Variants in MYRIP observed in about 807,000 individuals in gnomAD.
The protein encoded by MYRIP is rab effector MyRIP.
MYRIP carries 49 observed loss-of-function variants against 98.0 expected under a neutral mutation model. That is an observed-to-expected ratio of 0.50 (90% CI 0.40 to 0.63). The LOEUF is 0.63. Among genes scored for constraint, MYRIP ranks in the 30% least tolerant of loss-of-function variants. The probability of loss-of-function intolerance (pLI) is 0.00; values close to 1 mark genes in which losing one functional copy is unlikely to be tolerated. For missense variants in MYRIP, 1,004 were observed against 1,058.2 expected (o/e 0.95, Z 0.71); for synonymous variants, 404 against 409.5 (o/e 0.99, Z 0.16).
intron 2 of MYRIP, among the ~76,000 whole-genome samples, chr3:40,027,798 C>A (rs1254681504): frequency 6.6e-6 from 1 of 151,976 alleles, no homozygotes; most frequent in African/African-American, 2.4e-5. Flanking sequence ...ACATTCTAAG[C>A]AAAGCCCATG....
chr3:40,136,229 C>T (rs1281025683), intron 3 of MYRIP, among the ~76,000 whole-genome samples: 1 of 152,112 alleles, frequency 6.6e-6, no homozygotes, highest in African/African-American at 2.4e-5. Context: ...GCAGGGGTTG[C>T]AATCCTAGTC....
intron 11 of MYRIP, among the ~76,000 whole-genome samples, chr3:40,231,393 CAG>C (rs1169788072): frequency 6.6e-6 from 1 of 152,196 alleles, no homozygotes; most frequent in African/African-American, 2.4e-5. Flanking sequence ...GCACCTGGAA[CAG>C]AGCTGGCACA....
intron 2 of MYRIP, among the ~76,000 whole-genome samples, chr3:39,988,843 CTG>C (rs1946102259): frequency 6.6e-6 from 1 of 151,590 alleles, no homozygotes; most frequent in South Asian, 2.1e-4. Context: ...AGTTCTTGTG[CTG>C]TGTTTTTCAG....
At chr3:40,005,690 G>A (rs957610550) in intron 2 of MYRIP, among the ~76,000 whole-genome samples, 2 of 152,144 alleles carry the variant, frequency 1.3e-5, no homozygotes, top group Non-Finnish European at 2.9e-5. Context: ...CTTTTAGCAT[G>A]CCAGTTGTAT....
At chr3:40,240,489 G>C (rs1952974900) in intron 12 of MYRIP, among the ~76,000 whole-genome samples, 1 of 152,232 alleles carries the variant, frequency 6.6e-6, no homozygotes, top group African/African-American at 2.4e-5. Flanking sequence ...GGAAGCGCAA[G>C]GGGTCAGGGA....
At chr3:39,886,649 T>A (rs1265510503) in intron 1 of MYRIP, among the ~76,000 whole-genome samples, 1 of 151,986 alleles carries the variant, frequency 6.6e-6, no homozygotes, top group African/African-American at 2.4e-5. Context: ...CTATCCTAAA[T>A]ATATATGCAC....
At chr3:39,974,829 G>A (rs1279371459) in intron 2 of MYRIP, among the ~76,000 whole-genome samples, 1 of 152,012 alleles carries the variant, frequency 6.6e-6, no homozygotes, top group Non-Finnish European at 1.5e-5. Context: ...TGCAGAAAAG[G>A]CCTTCGAAAA....
At chr3:40,169,391 CCT>C (rs987998348) in intron 7 of MYRIP, among the ~76,000 whole-genome samples, 17 of 152,206 alleles carry the variant, frequency 1.1e-4, no homozygotes, top group Admixed American at 9.8e-4. Context: ...AGCCCAGAGA[CCT>C]TGGTACGGAT....
At chr3:40,071,563 A>C (rs1948229662) in intron 3 of MYRIP, among the ~76,000 whole-genome samples, 1 of 132,316 alleles carries the variant, frequency 7.6e-6, no homozygotes, top group African/African-American at 2.7e-5. Flanking sequence ...GGTCAACTCT[A>C]GGTGTGAGGC....
chr3:40,057,903 GT>G (rs1302490114), intron 3 of MYRIP, among the ~76,000 whole-genome samples: 3 of 152,130 alleles, frequency 2.0e-5, no homozygotes, highest in Non-Finnish European at 4.4e-5. Context: ...ACCCTTCTGA[GT>G]TTGGAAGTAA....
At chr3:40,187,123 G>T (rs1205661243) in intron 9 of MYRIP, among the ~76,000 whole-genome samples, 1 of 152,152 alleles carries the variant, frequency 6.6e-6, no homozygotes, top group Admixed American at 6.5e-5. Context: ...TCATAACCAG[G>T]TGTTAAGTAC....
intron 3 of MYRIP, among the ~76,000 whole-genome samples, chr3:40,087,491 G>A (rs1948652928): frequency 6.6e-6 from 1 of 152,064 alleles, no homozygotes; most frequent in Non-Finnish European, 1.5e-5. Flanking sequence ...TGAGAGACCA[G>A]GCTTTAGTTC....
intron 3 of MYRIP, among the ~76,000 whole-genome samples, chr3:40,052,589 G>A (rs1215544945): frequency 6.6e-6 from 1 of 152,070 alleles, no homozygotes; most frequent in Admixed American, 6.6e-5. Context: ...AAGTATAAAT[G>A]GGCACAACAT....
At chr3:40,023,260 G>A (rs1223980273) in intron 2 of MYRIP, among the ~76,000 whole-genome samples, 1 of 152,190 alleles carries the variant, frequency 6.6e-6, no homozygotes, top group African/African-American at 2.4e-5. Context: ...GACAATACGT[G>A]ACTTCAGCTC....
chr3:40,131,130 C>G (rs113802771), intron 3 of MYRIP, among the ~76,000 whole-genome samples: 1 of 152,166 alleles, frequency 6.6e-6, no homozygotes, highest in African/African-American at 2.4e-5. Context: ...TGCAATACTT[C>G]TACCTGCCCC....
chr3:40,212,223 TATACACACACAC>T lies in MYRIP; in HGVS notation c.1905+2132_1905+2143del, dbSNP rs1559456814. Among the ~76,000 whole-genome samples, 13 of 77,608 alleles carry T rather than the reference TATACACACACAC, an allele frequency of 1.7e-4. 2 individuals carry two copies. The highest frequency in any genetic ancestry group is 1.5e-3 in the East Asian group (5 of 3,424). The allele number at this position is 77,608 out of a possible 152,430, so 50.9% of individuals were successfully genotyped here. A position where few individuals can be genotyped will look rare whatever the true frequency, so the allele number is the denominator to read the frequency against. ...ATATATACGTGTGTGTATATATATA[TATACACACACAC>T]ACACACACACATATATATATATACA... On this transcript the variant is annotated intron_variant, in intron 11 of 16. Coordinates refer to ENST00000302541, the MANE Select transcript of MYRIP (RefSeq NM_015460.4).
intron 2 of MYRIP, among the ~76,000 whole-genome samples, chr3:39,969,713 A>T (rs897565793): frequency 3.9e-5 from 6 of 152,104 alleles, no homozygotes; most frequent in African/African-American, 9.7e-5. Context: ...ACGCTGCTGG[A>T]TTCTGTTTGC....
chr3:39,880,623 T>A (rs1943135114), intron 1 of MYRIP, among the ~76,000 whole-genome samples: 1 of 152,242 alleles, frequency 6.6e-6, no homozygotes, highest in Non-Finnish European at 1.5e-5. Flanking sequence ...ACAAGTTACT[T>A]GGTCTTTTTT....
At chr3:40,157,973 G>A (rs567703099) in intron 4 of MYRIP, among the ~76,000 whole-genome samples, 1 of 152,184 alleles carries the variant, frequency 6.6e-6, no homozygotes, top group East Asian at 1.9e-4. Flanking sequence ...TTTTTTGAAG[G>A]GTTTTTTGTG....
Sources: gnomAD v4.1 joint callset for allele counts (sites outside exome capture counted in the v4.1 genomes callset) on GRCh38, gnomAD v4.1.1 for gene constraint, MANE v1.5 for transcripts, NCBI Gene and HGNC (gene_info 2026-07-23, HGNC 2026-07-21) for gene names.